CCDC34: variants seen among roughly 807,000 people sequenced by gnomAD.
CCDC34 encodes the protein coiled-coil domain-containing protein 34.
A neutral mutation model predicts 44.1 loss-of-function variants in CCDC34; 40 were observed. That is an observed-to-expected ratio of 0.91 (90% CI 0.70 to 1.18). The LOEUF (loss-of-function observed/expected upper bound fraction) is 1.18, where lower values mean the gene tolerates loss of function less well. Among genes scored for constraint, CCDC34 ranks in the 50% most tolerant of loss-of-function variants. The pLI is 0.00. For missense variants in CCDC34, 466 were observed against 452.3 expected, an observed-to-expected ratio of 1.03 and a Z score of -0.28; for synonymous variants, 159 against 158.2, an observed-to-expected ratio of 1.01 and a Z score of -0.04.
intron 3 of CCDC34, among the ~76,000 whole-genome samples, chr11:27,346,006 T>A (rs1021203442): frequency 7.2e-5 from 11 of 152,166 alleles, no homozygotes; most frequent in Non-Finnish European, 1.6e-4. Context: ...TATCTCATTG[T>A]GGTTTTGATT....
intron 2 of CCDC34, among the ~76,000 whole-genome samples, chr11:27,352,760 TTTAG>T (rs1333647800): frequency 6.6e-6 from 1 of 152,162 alleles, no homozygotes; most frequent in Non-Finnish European, 1.5e-5. Context: ...GCTAACAAAT[TTTAG>T]TTAATGTTGA....
intron 1 of CCDC34, among the ~76,000 whole-genome samples, chr11:27,358,456 A>C (rs906793990): frequency 6.6e-6 from 1 of 152,196 alleles, no homozygotes; most frequent in Non-Finnish European, 1.5e-5. Flanking sequence ...TGCTTATAGC[A>C]ACCAATTGCT....
At chr11:27,356,356 T>C (rs1401120067) in intron 2 of CCDC34, among the ~76,000 whole-genome samples, 1 of 151,972 alleles carries the variant, frequency 6.6e-6, no homozygotes, top group Non-Finnish European at 1.5e-5. Flanking sequence ...ACTAATAGAC[T>C]GAAACATCCA....
chr11:27,343,596 A>C (rs1473984890), intron 3 of CCDC34, among the ~76,000 whole-genome samples: 1 of 152,170 alleles, frequency 6.6e-6, no homozygotes, highest in Admixed American at 6.6e-5. Context: ...AGGACCTTGG[A>C]GTACATCTTG....
At position 27,357,389 on chromosome 11, in the gene CCDC34, C is replaced by T. The variant is rs1398108831; in HGVS notation, c.498+14G>A. ...GCTCACAGATTAAATAAAAAGAACA[C>T]TGTCTAGTTTTACCTCTAGAGCTTT... On this transcript the variant is annotated intron_variant, in intron 2 of 5. Transcript: ENST00000328697. The T allele has an allele frequency of 2.5e-6, 4 of 1,605,164 alleles. No individual in the cohort carries two copies. The African/African-American group carries it at 4.0e-5, about 16-fold the overall frequency.
At chr11:27,345,533 A>G (rs377320048) in intron 3 of CCDC34, among the ~76,000 whole-genome samples, 4 of 151,928 alleles carry the variant, frequency 2.6e-5, no homozygotes, top group South Asian at 4.2e-4. Context: ...AGAACATGCG[A>G]TGTTTGGTTT....
intron 1 of CCDC34, among the ~76,000 whole-genome samples, chr11:27,359,952 AT>A (rs1490727198): frequency 6.6e-6 from 1 of 151,988 alleles, no homozygotes; most frequent in Non-Finnish European, 1.5e-5. Context: ...ATCTCAACTC[AT>A]TTTTTTATTT....
intron 3 of CCDC34, among the ~76,000 whole-genome samples, chr11:27,344,136 T>C (rs964982441): frequency 1.3e-5 from 2 of 152,138 alleles, no homozygotes; most frequent in African/African-American, 2.4e-5. Context: ...TTTAATAACA[T>C]AAAATATTAT....
At chr11:27,353,314 TAA>T (rs201076257) in intron 2 of CCDC34, among the ~76,000 whole-genome samples, 1 of 142,072 alleles carries the variant, frequency 7.0e-6, no homozygotes. Context: ...GCAAGATGGT[TAA>T]AAAAAAAAAG....
Position 27,341,487 on chromosome 11 carries a change from C to T in CCDC34, c.670G>A (p.Glu224Lys), listed in dbSNP as rs1862358091. The stretch of plus-strand genomic sequence containing the variant: ...GCTTTTTCTTGCAAGTATTCTTTCT[C>T]CAGTTCCTTTGCTGCTTTTTCCTCC... ...EMEEKAAKEL[E>K]KEYLQEKAKE... Residue 224 changes from glutamate to lysine, a missense_variant, in exon 4 of 6, where the codon GAG becomes AAG. Coordinates refer to ENST00000328697, the MANE Select transcript of CCDC34 (RefSeq NM_030771.2). 2 of 1,434,176 alleles carry T rather than the reference C, an allele frequency of 1.4e-6. No homozygotes were observed. Among genetic ancestry groups the T allele is most frequent in the South Asian group, 1.4e-5 (1 of 71,780 alleles). The allele number at this position is 1,434,176 out of a possible 1,614,324, so 88.8% of individuals were successfully genotyped here. A position where few individuals can be genotyped will look rare whatever the true frequency, so the allele number is the denominator to read the frequency against.
chr11:27,348,515 G>A (rs75300399), intron 3 of CCDC34, among the ~76,000 whole-genome samples: 7,027 of 152,212 alleles, frequency 0.046, 255 homozygotes, highest in Non-Finnish European at 0.063. Flanking sequence ...AAGCACTTAA[G>A]AATTTACAGT....
Position 27,361,484 on chromosome 11 carries a change from C to A in CCDC34, c.359+1352G>T, listed in dbSNP as rs376561251. Among the ~76,000 whole-genome samples the A allele has an allele frequency of 2.6e-5, 4 of 152,174 alleles. No individual in the cohort carries two copies. In the East Asian group the frequency reaches 7.7e-4, roughly 29 times the overall value. On this transcript the variant is annotated intron_variant, in intron 1 of 5. Transcript: ENST00000328697. ...GAGACCAACTCAGTCCTGAAGAATA[C>A]CTACAAAGGCCCAGATGAAAACAAT...
intron 3 of CCDC34, 55 bp downstream of exon 3, chr11:27,350,277 A>C: frequency 6.2e-7 from 1 of 1,612,212 alleles, no homozygotes; most frequent in Non-Finnish European, 8.5e-7. Flanking sequence ...GTATAATAGG[A>C]AGAAATATTT....
At chr11:27,341,301 C>A in intron 4 of CCDC34, 91 bp downstream of exon 4, 1 of 769,840 alleles carries the variant, frequency 1.3e-6, no homozygotes, top group South Asian at 2.8e-5. Context: ...AAGATAGTGC[C>A]AATTTTCTAT....
chr11:27,360,455 C>G (rs1302978051), intron 1 of CCDC34, among the ~76,000 whole-genome samples: 1 of 152,156 alleles, frequency 6.6e-6, no homozygotes, highest in Non-Finnish European at 1.5e-5. Context: ...GAAGCCTTAC[C>G]CGATTCGTTT....
intron 3 of CCDC34, 158 bp downstream of exon 3, chr11:27,350,172 TAG>T (rs776602769): frequency 2.1e-5 from 32 of 1,535,224 alleles, no homozygotes; most frequent in Non-Finnish European, 2.7e-5. Flanking sequence ...GGGCAGAAGA[TAG>T]AGACTTGATA....
intron 3 of CCDC34, among the ~76,000 whole-genome samples, chr11:27,345,592 A>G (rs1862421435): frequency 6.6e-6 from 1 of 152,124 alleles, no homozygotes; most frequent in African/African-American, 2.4e-5. Flanking sequence ...AGCTTCATCC[A>G]TGTCCCTACA....
chr11:27,355,947 C>G lies in CCDC34; in HGVS notation c.498+1456G>C, dbSNP rs897675713. On this transcript the variant is annotated intron_variant, in intron 2 of 5. Coordinates refer to ENST00000328697, the MANE Select transcript of CCDC34 (RefSeq NM_030771.2). Reference sequence around the variant, plus strand: ...TGGTTAGAAACTTATCAAATAATAACTGGTTTCAAAACTAACAGAAAAGTT... The same window carrying G: ...TGGTTAGAAACTTATCAAATAATAAGTGGTTTCAAAACTAACAGAAAAGTT... 2.0e-5 allele frequency among the ~76,000 whole-genome samples: 3 copies of G among 148,398 alleles called. No individual in the cohort carries two copies. The Admixed American group carries it at 2.0e-4, about 10-fold the overall frequency.
At chr11:27,355,757 G>A (rs1862565931) in intron 2 of CCDC34, among the ~76,000 whole-genome samples, 1 of 152,114 alleles carries the variant, frequency 6.6e-6, no homozygotes, top group African/African-American at 2.4e-5. Flanking sequence ...CTCAAGCCCT[G>A]TGTACTGTCA....
Sources: gnomAD v4.1 joint callset for allele counts (sites outside exome capture counted in the v4.1 genomes callset) on GRCh38, gnomAD v4.1.1 for gene constraint, MANE v1.5 for transcripts, NCBI Gene and HGNC (gene_info 2026-07-23, HGNC 2026-07-21) for gene names.